CNTNAP5: variants seen among roughly 807,000 people sequenced by gnomAD.
CNTNAP5 encodes contactin associated protein family member 5.
In CNTNAP5, 72 loss-of-function variants were observed where a neutral mutation model predicts 150.2. The observed-to-expected ratio is 0.48, with a 90% CI of 0.40 to 0.58. The LOEUF (loss-of-function observed/expected upper bound fraction) is 0.58, where lower values mean the gene tolerates loss of function less well. CNTNAP5 is among the 20% of genes least tolerant of loss of function. The probability of loss-of-function intolerance (pLI) is 0.00; values close to 1 mark genes in which losing one functional copy is unlikely to be tolerated. For missense variants in CNTNAP5, 1,636 were observed against 1,626.2 expected (o/e 1.01, Z -0.10); for synonymous variants, 672 against 619.8 (o/e 1.08, Z -1.25).
rs70996084 is a variant in CNTNAP5 at position 124,629,936 on chromosome 2, C to CAAAAAAAAA, written c.1877-17811_1877-17803dup. Among the ~76,000 whole-genome samples the CAAAAAAAAA allele has an allele frequency of 9.5e-3, 645 of 67,624 alleles. 21 individuals carry two copies. The highest frequency in any genetic ancestry group is 0.014 in the African/African-American group (325 of 22,754). 44.4% of individuals were successfully genotyped at this position (67,624 alleles called of 152,430 possible). On this transcript the variant is annotated intron_variant, in intron 12 of 23. Coordinates refer to ENST00000682447, the MANE Select transcript of CNTNAP5 (RefSeq NM_001367498.1). Reference sequence around the variant, plus strand: ...AGAGAATACTATAAACACCTCTATGCAAAAAAAAAAAAAAAAAAACTGGAA... The same window carrying CAAAAAAAAA: ...AGAGAATACTATAAACACCTCTATGCAAAAAAAAAAAAAAAAAAAAAAAAAAAACTGGAA...
intron 8 of CNTNAP5, 39 bp from the exon 9 acceptor site, chr2:124,524,264 C>T (rs747231470): frequency 3.4e-5 from 55 of 1,610,328 alleles, no homozygotes; most frequent in Middle Eastern, 1.7e-4. Flanking sequence ...GTCTTCTGGA[C>T]CCATCATCTC....
At chr2:124,637,982 A>G (rs965765765) in intron 12 of CNTNAP5, among the ~76,000 whole-genome samples, 1 of 151,976 alleles carries the variant, frequency 6.6e-6, no homozygotes, top group South Asian at 2.1e-4. Flanking sequence ...AGCAAATGGT[A>G]TTTGGAAACC....
chr2:124,307,637 T>C (rs1688724716), intron 3 of CNTNAP5, among the ~76,000 whole-genome samples: 1 of 152,126 alleles, frequency 6.6e-6, no homozygotes, highest in Admixed American at 6.6e-5. Context: ...GACCCCAGAT[T>C]CAGAAAGTAG....
chr2:124,476,806 CGTT>C lies in CNTNAP5; in HGVS notation c.1062+1927_1062+1929del, dbSNP rs138066486. Among the ~76,000 whole-genome samples the C allele has an allele frequency of 9.7e-3, 1,474 of 152,140 alleles. 28 individuals are homozygous for C. Among genetic ancestry groups the C allele is most frequent in the African/African-American group, 0.033 (1,383 of 41,528 alleles). On this transcript the variant is annotated intron_variant, in intron 7 of 23. Coordinates refer to ENST00000682447, the MANE Select transcript of CNTNAP5 (RefSeq NM_001367498.1). ...TGGCATTTGGCTTAGGGAGAGAAGTCGTTGTCTAACAGCATCTCTCTTTCTATG... is the reference window on the plus strand; with the variant it reads ...TGGCATTTGGCTTAGGGAGAGAAGTCGTCTAACAGCATCTCTCTTTCTATG...
At chr2:124,378,864 T>C (rs907092721) in intron 3 of CNTNAP5, among the ~76,000 whole-genome samples, 1 of 152,170 alleles carries the variant, frequency 6.6e-6, no homozygotes. Flanking sequence ...GGGAAACAAC[T>C]TTCTATGTGA....
At chr2:124,813,559 A>G (rs1682286567) in intron 19 of CNTNAP5, among the ~76,000 whole-genome samples, 1 of 151,816 alleles carries the variant, frequency 6.6e-6, no homozygotes, top group Non-Finnish European at 1.5e-5. Flanking sequence ...TTACAGGGGC[A>G]ACTTTACTTG....
chr2:124,322,583 T>A (rs975536369), intron 3 of CNTNAP5, among the ~76,000 whole-genome samples: 5 of 152,226 alleles, frequency 3.3e-5, no homozygotes, highest in African/African-American at 1.2e-4. Flanking sequence ...ATGAAAATCA[T>A]GATAATAAAT....
In CNTNAP5 at chr2:124,603,782, T is replaced by C. The variant is rs139207317; in HGVS notation, c.1757-6019T>C. Among the ~76,000 whole-genome samples, 30 of 151,416 alleles carry C rather than the reference T, an allele frequency of 2.0e-4. No individual in the cohort carries two copies. In the East Asian group the frequency reaches 4.1e-3, roughly 20 times the overall value. ...GTAGGTAGATAGATAGATAAATAAA[T>C]ACATACATACATATATACATACATA... On this transcript the variant is annotated intron_variant, in intron 11 of 23. Coordinates refer to ENST00000682447, the MANE Select transcript of CNTNAP5 (RefSeq NM_001367498.1).
chr2:124,246,005 G>T (rs1375035233), intron 3 of CNTNAP5, among the ~76,000 whole-genome samples: 1 of 151,900 alleles, frequency 6.6e-6, no homozygotes, highest in East Asian at 1.9e-4. Flanking sequence ...ATGACCTCAG[G>T]TTTACAGGCT....
intron 19 of CNTNAP5, among the ~76,000 whole-genome samples, chr2:124,851,129 C>G (rs964173319): frequency 6.6e-6 from 1 of 152,100 alleles, no homozygotes; most frequent in Non-Finnish European, 1.5e-5. Context: ...CTTTGGGAGG[C>G]CGAGGCAGGT....
At chr2:124,462,420 G>T (rs1469856176) in intron 6 of CNTNAP5, among the ~76,000 whole-genome samples, 1 of 152,138 alleles carries the variant, frequency 6.6e-6, no homozygotes, top group Non-Finnish European at 1.5e-5. Flanking sequence ...AAGATACAAA[G>T]ACTTCTCTTA....
At chr2:124,090,008 C>T (rs1416470006) in intron 1 of CNTNAP5, among the ~76,000 whole-genome samples, 1 of 152,246 alleles carries the variant, frequency 6.6e-6, no homozygotes, top group East Asian at 1.9e-4. Context: ...TGGGAAAGCA[C>T]TGAATCTTTC....
intron 6 of CNTNAP5, among the ~76,000 whole-genome samples, chr2:124,462,760 G>A (rs968634630): frequency 1.3e-5 from 2 of 152,166 alleles, no homozygotes; most frequent in African/African-American, 4.8e-5. Context: ...CACATATCAT[G>A]AATCTAAATT....
intron 3 of CNTNAP5, among the ~76,000 whole-genome samples, chr2:124,373,103 G>A (rs1690568515): frequency 6.6e-6 from 1 of 152,150 alleles, no homozygotes; most frequent in South Asian, 2.1e-4. Flanking sequence ...AAATACCACT[G>A]TGATAGAGGA....
At chr2:124,614,059 A>G (rs1677445110) in intron 12 of CNTNAP5, among the ~76,000 whole-genome samples, 1 of 152,194 alleles carries the variant, frequency 6.6e-6, no homozygotes, top group Admixed American at 6.5e-5. Flanking sequence ...TCAGACTTTT[A>G]ACAATTTTTT....
Position 124,750,854 on chromosome 2 carries a change from C to A in CNTNAP5, c.2234+3469C>A, listed in dbSNP as rs937718117. Among the ~76,000 whole-genome samples, 4 of 151,542 alleles carry A rather than the reference C, an allele frequency of 2.6e-5. No individual in the cohort carries two copies. In the South Asian group the frequency reaches 6.3e-4, roughly 24 times the overall value. ...CAAAAATTAGCTGGGCATGGTGGTG[C>A]GTGCCTGTAGTTTCAGCTACTCAGG... is the stretch of plus-strand genomic sequence containing the variant. On this transcript the variant is annotated intron_variant, in intron 14 of 23. Transcript: ENST00000682447.
intron 3 of CNTNAP5, among the ~76,000 whole-genome samples, chr2:124,349,899 T>TTTTTTG (rs1553460408): frequency 8.7e-6 from 1 of 115,294 alleles, no homozygotes; most frequent in Non-Finnish European, 1.8e-5. Context: ...TTTTTTTTTT[T>TTTTTTG]TTTGAGACAG....
chr2:124,544,781 G>A (rs987149157), intron 10 of CNTNAP5, among the ~76,000 whole-genome samples: 3 of 152,116 alleles, frequency 2.0e-5, no homozygotes, highest in Non-Finnish European at 2.9e-5. Flanking sequence ...GTTCAGCAGC[G>A]GACTGCACCA....
intron 1 of CNTNAP5, among the ~76,000 whole-genome samples, chr2:124,156,773 G>T (rs1684558281): frequency 6.6e-6 from 1 of 152,140 alleles, no homozygotes; most frequent in South Asian, 2.1e-4. Context: ...ACAGGCGTGA[G>T]CCACCGTGCC....
Sources: gnomAD v4.1 joint callset for allele counts (sites outside exome capture counted in the v4.1 genomes callset) on GRCh38, gnomAD v4.1.1 for gene constraint, MANE v1.5 for transcripts, NCBI Gene and HGNC (gene_info 2026-07-23, HGNC 2026-07-21) for gene names.